Variants in VPS13B observed in about 807,000 individuals in gnomAD.
VPS13B encodes vacuolar protein sorting 13 homolog B, also known as intermembrane lipid transfer protein VPS13B.
Under a neutral mutation model 426.4 loss-of-function variants are expected in VPS13B, and 285 were observed. The observed-to-expected ratio is 0.67, with a 90% confidence interval of 0.61 to 0.74. VPS13B has a LOEUF of 0.74. Among genes scored for constraint, VPS13B ranks in the 30% least tolerant of loss-of-function variants. The pLI is 0.00. For synonymous variants in VPS13B, 1,676 were observed against 1,676.4 expected, an observed-to-expected ratio of 1.00 and a Z score of 0.01; for missense variants, 4,537 against 4,782.6, an observed-to-expected ratio of 0.95 and a Z score of 1.51.
intron 60 of VPS13B, 133 bp from the exon 61 acceptor site, chr8:99,871,315 G>C: frequency 7.4e-7 from 1 of 1,348,420 alleles, no homozygotes; most frequent in South Asian, 1.2e-5. Context: ...TACATTTCAA[G>C]CTAAAATGGG....
At chr8:99,190,159 AT>A (rs1219559765) in intron 16 of VPS13B, among the ~76,000 whole-genome samples, 2 of 152,106 alleles carry the variant, frequency 1.3e-5, no homozygotes, top group African/African-American at 4.8e-5. Flanking sequence ...TATGAAAAAA[AT>A]CTCTCTATAT....
intron 12 of VPS13B, among the ~76,000 whole-genome samples, chr8:99,142,444 G>T (rs1168384117): frequency 6.6e-6 from 1 of 152,132 alleles, no homozygotes; most frequent in African/African-American, 2.4e-5. Flanking sequence ...TAGGAAGTAG[G>T]ATTCTGTACC....
At chr8:99,738,890 G>A (rs1001153520) in intron 39 of VPS13B, among the ~76,000 whole-genome samples, 2 of 152,200 alleles carry the variant, frequency 1.3e-5, no homozygotes, top group Non-Finnish European at 2.9e-5. Flanking sequence ...AGAGCTCCCA[G>A]CATGAGCAAC....
intron 52 of VPS13B, among the ~76,000 whole-genome samples, chr8:99,832,891 G>C (rs944092915): frequency 2.6e-5 from 4 of 152,108 alleles, no homozygotes; most frequent in African/African-American, 9.7e-5. Flanking sequence ...GGAAATGATG[G>C]TACTTGTACC....
intron 36 of VPS13B, among the ~76,000 whole-genome samples, chr8:99,701,394 T>C (rs147561851): frequency 3.5e-4 from 53 of 152,302 alleles, no homozygotes; most frequent in African/African-American, 1.2e-3. Flanking sequence ...ATACTCACTT[T>C]TAGGTGCTTT....
intron 24 of VPS13B, among the ~76,000 whole-genome samples, chr8:99,473,200 A>G (rs1322452258): frequency 6.6e-6 from 1 of 152,108 alleles, no homozygotes; most frequent in East Asian, 1.9e-4. Context: ...AAGACTTTAC[A>G]AAAGAAGGAA....
chr8:99,474,182 A>AG (rs1819562681), intron 24 of VPS13B, among the ~76,000 whole-genome samples: 1 of 126,908 alleles, frequency 7.9e-6, no homozygotes, highest in South Asian at 2.2e-4. Flanking sequence ...ACTGTTATCC[A>AG]ATTTTTTTTT....
At chr8:99,384,103 C>A in intron 19 of VPS13B, 105 bp from the exon 20 acceptor site, 1 of 940,838 alleles carries the variant, frequency 1.1e-6, no homozygotes, top group Non-Finnish European at 1.7e-6. Flanking sequence ...ACGCTTGTTA[C>A]TGTTTGTCTG....
chr8:99,766,150 G>A (rs1401406075), intron 39 of VPS13B, among the ~76,000 whole-genome samples: 1 of 132,780 alleles, frequency 7.5e-6, no homozygotes, highest in East Asian at 2.2e-4. Flanking sequence ...TGTGACCGCT[G>A]CTCACTGCAA....
At chr8:99,170,352 G>A (rs1439011921) in intron 16 of VPS13B, among the ~76,000 whole-genome samples, 189 bp downstream of exon 16, 1 of 151,860 alleles carries the variant, frequency 6.6e-6, no homozygotes, top group Admixed American at 6.6e-5. Context: ...AGTTCATCAT[G>A]TCTTTTGTGA....
At chr8:99,510,984 A>T in intron 28 of VPS13B, 120 bp from the exon 29 acceptor site, 1 of 1,076,244 alleles carries the variant, frequency 9.3e-7, no homozygotes, top group Non-Finnish European at 1.4e-6. Context: ...TGTGTTTATT[A>T]AGAAGTGTAG....
At chr8:99,478,447 G>GTTTTGTTTTTTTTTTTTTTTT (rs1819822769) in intron 24 of VPS13B, among the ~76,000 whole-genome samples, 11 of 85,752 alleles carry the variant, frequency 1.3e-4, no homozygotes, top group South Asian at 3.7e-4. Flanking sequence ...TTTTTGTTTT[G>GTTTTGTTTTTTTTTTTTTTTT]TTTTTTTTTT....
chr8:99,770,119 A>T (rs1263349899), intron 40 of VPS13B, among the ~76,000 whole-genome samples: 1 of 152,132 alleles, frequency 6.6e-6, no homozygotes, highest in Admixed American at 6.5e-5. Flanking sequence ...AGATCACACC[A>T]CTGCACTCCA....
intron 25 of VPS13B, among the ~76,000 whole-genome samples, chr8:99,497,208 AAT>A (rs1204044025): frequency 3.3e-3 from 460 of 138,046 alleles, no homozygotes; most frequent in African/African-American, 0.011. Context: ...TTATATATTT[AAT>A]ATATATAAAT....
At chr8:99,349,352 A>AAAAG (rs1811738948) in intron 19 of VPS13B, among the ~76,000 whole-genome samples, 1 of 149,928 alleles carries the variant, frequency 6.7e-6, no homozygotes, top group African/African-American at 2.4e-5. Flanking sequence ...AAAAAAAAAA[A>AAAAG]AAAGAAAATA....
At chr8:99,360,242 CCTTCCTTCCTTCCTTCCT>C (rs1812483671) in intron 19 of VPS13B, among the ~76,000 whole-genome samples, 2 of 90,144 alleles carry the variant, frequency 2.2e-5, no homozygotes, top group South Asian at 7.4e-4. Context: ...TTCTCTCTCT[CCTTCCTTCCTTCCTTCCT>C]TCCTTCCTTC....
rs752558975 is a variant in VPS13B, at chr8:99,776,831, C to T, written c.7304C>T (p.Ala2435Val). ...STCDPLVTPT[A>V]LAACTRVDSC... ...TGTGATCCACTTGTGACTCCAACAG[C>T]CCTGGCTGCCTGTACCAGAGTTGAC... Residue 2435 changes from alanine to valine, a missense_variant, in exon 41 of 62, where the codon GCC becomes GTC. Coordinates refer to ENST00000357162, the MANE Select transcript of VPS13B (RefSeq NM_152564.5). The T allele has an allele frequency of 3.1e-6, 5 of 1,614,036 alleles. No individual in the cohort carries two copies. The South Asian group carries it at 5.5e-5, about 18-fold the overall frequency.
intron 21 of VPS13B, among the ~76,000 whole-genome samples, chr8:99,401,285 G>A (rs1332070046): frequency 6.6e-6 from 1 of 151,944 alleles, no homozygotes; most frequent in Non-Finnish European, 1.5e-5. Flanking sequence ...AATTAGTTTT[G>A]TCTTTAATCC....
In VPS13B at chr8:99,476,904, G is replaced by A. The variant is rs559039771; in HGVS notation, c.3667-4695G>A. 7.2e-5 allele frequency among the ~76,000 whole-genome samples: 11 copies of A among 152,214 alleles called. 1 individual carries two copies. The South Asian group carries it at 2.1e-3, about 29-fold the overall frequency. On this transcript the variant is annotated intron_variant, in intron 24 of 61. Transcript: ENST00000357162. ...TATTGGCCATTGAGTTTGCTCATTC[G>A]TGAATTGACAGTTTACATTAATTTA...
Sources: allele counts gnomAD v4.1 joint callset (sites outside exome capture counted in the v4.1 genomes callset), GRCh38; gene constraint gnomAD v4.1.1; transcripts MANE v1.5; gene names NCBI Gene and HGNC (gene_info 2026-07-23, HGNC 2026-07-21).